Variants in XKR6 observed in about 807,000 individuals in gnomAD.
The protein encoded by XKR6 is XK-related protein 6.
A neutral mutation model predicts 56.7 loss-of-function variants in XKR6; 22 were observed. The observed-to-expected ratio is 0.39, with a 90% CI of 0.28 to 0.55. The LOEUF is 0.55. XKR6 is among the 20% of genes least tolerant of loss of function. The probability of loss-of-function intolerance (pLI) is 0.66; values close to 1 mark genes in which losing one functional copy is unlikely to be tolerated. For missense variants in XKR6, 852 were observed against 889.0 expected (o/e 0.96, Z 0.53); for synonymous variants, 524 against 387.8 (o/e 1.35, Z -4.13).
intron 1 of XKR6, among the ~76,000 whole-genome samples, chr8:11,100,372 T>G (rs905691422): frequency 6.6e-6 from 1 of 152,192 alleles, no homozygotes; most frequent in South Asian, 2.1e-4. Context: ...TAAAAAAGAA[T>G]AGAATTTATG....
intron 1 of XKR6, chr8:11,108,828 T>A (rs1000379706): frequency 6.4e-6 from 1 of 156,978 alleles, no homozygotes; most frequent in Admixed American, 6.5e-5. Context: ...GGCCAGTCCC[T>A]ACACCCACAG....
intron 1 of XKR6, among the ~76,000 whole-genome samples, chr8:11,159,531 G>C (rs1047874756): frequency 3.3e-5 from 5 of 152,296 alleles, no homozygotes; most frequent in African/African-American, 1.2e-4. Flanking sequence ...AGGCAGGCTG[G>C]ACCCATCCCC....
intron 2 of XKR6, among the ~76,000 whole-genome samples, chr8:10,923,438 C>A (rs900733914): frequency 5.3e-5 from 8 of 152,212 alleles, no homozygotes; most frequent in Admixed American, 1.3e-4. Flanking sequence ...GACAGGCGAG[C>A]CTGTCAGCAG....
intron 1 of XKR6, among the ~76,000 whole-genome samples, chr8:10,991,514 G>C (rs1563332375): frequency 3.3e-5 from 5 of 152,178 alleles, no homozygotes; most frequent in Non-Finnish European, 7.3e-5. Flanking sequence ...AACACGATGA[G>C]TCTATCTTTT....
chr8:11,190,579 T>C (rs1161787960), intron 1 of XKR6, among the ~76,000 whole-genome samples: 3 of 152,288 alleles, frequency 2.0e-5, no homozygotes, highest in Admixed American at 2.0e-4. Flanking sequence ...TACAATCAAC[T>C]ACAAGACTTA....
intron 1 of XKR6, among the ~76,000 whole-genome samples, chr8:11,121,889 C>T (rs532128319): frequency 2.6e-4 from 39 of 152,242 alleles, no homozygotes; most frequent in African/African-American, 1.4e-4. Context: ...TTTGTAGGGA[C>T]GTGGATGAAG....
intron 1 of XKR6, among the ~76,000 whole-genome samples, chr8:11,170,780 T>C (rs892333713): frequency 4.6e-5 from 7 of 152,170 alleles, no homozygotes; most frequent in African/African-American, 1.7e-4. Context: ...TGAAGCAAAA[T>C]CTCAGGGGGC....
At chr8:10,921,385 T>G (rs1490794948) in intron 2 of XKR6, among the ~76,000 whole-genome samples, 1 of 152,206 alleles carries the variant, frequency 6.6e-6, no homozygotes, top group Non-Finnish European at 1.5e-5. Flanking sequence ...CCAGCAGGTC[T>G]GGCCCATGGC....
intron 1 of XKR6, among the ~76,000 whole-genome samples, chr8:11,173,275 C>A (rs1396869928): frequency 2.6e-5 from 4 of 151,310 alleles, no homozygotes; most frequent in African/African-American, 9.7e-5. Context: ...ACCCAGGAGG[C>A]AGAGCTTGCA....
rs534988891 is a variant in XKR6 at position 11,151,455 on chromosome 8, T to C, written c.764+49121A>G. Among the ~76,000 whole-genome samples, 27 of 152,328 alleles carry C rather than the reference T, an allele frequency of 1.8e-4. No homozygotes were observed. The South Asian group carries it at 2.3e-3, about 13-fold the overall frequency. The stretch of plus-strand genomic sequence containing the variant: ...ATCATTTGCTGTAATTTTCTATTAT[T>C]TGTTCTGTTGAGAATGGCAAGATTT... On this transcript the variant is annotated intron_variant, in intron 1 of 2. Transcript: ENST00000416569.
intron 1 of XKR6, among the ~76,000 whole-genome samples, chr8:11,184,390 C>T (rs201447647): frequency 2.5e-5 from 1 of 40,400 alleles, no homozygotes; most frequent in African/African-American, 1.9e-4. Context: ...TACACACATA[C>T]ACACACACAC....
At chr8:10,946,033 T>C (rs143733630) in intron 1 of XKR6, among the ~76,000 whole-genome samples, 1 of 152,162 alleles carries the variant, frequency 6.6e-6, no homozygotes, top group East Asian at 1.9e-4. Flanking sequence ...CGCCCTGTGC[T>C]TTTCAGCGTG....
chr8:10,964,173 G>C (rs963310099), intron 1 of XKR6, among the ~76,000 whole-genome samples: 2 of 152,148 alleles, frequency 1.3e-5, no homozygotes, highest in African/African-American at 4.8e-5. Context: ...CCAGGGCAGG[G>C]GCTGCCTGAG....
intron 1 of XKR6, among the ~76,000 whole-genome samples, chr8:11,071,757 C>A (rs1004783677): frequency 6.6e-6 from 1 of 152,118 alleles, no homozygotes; most frequent in South Asian, 2.1e-4. Context: ...CAAATGAATA[C>A]GAGGCCCAAG....
chr8:11,086,901 C>T lies in XKR6; in HGVS notation c.764+113675G>A, dbSNP rs189903259. Among the ~76,000 whole-genome samples the T allele has an allele frequency of 3.4e-4, 52 of 152,322 alleles. No individual in the cohort carries two copies. In the Middle Eastern group the frequency reaches 0.01, roughly 30 times the overall value. On this transcript the variant is annotated intron_variant, in intron 1 of 2. Transcript: ENST00000416569. ...CAGAACAGAGGCGTCGGAGGTCACC[C>T]GGCCAGTCCTGTCCCGCAGGGATCA...
At chr8:11,174,002 T>A (rs1251215822) in intron 1 of XKR6, among the ~76,000 whole-genome samples, 2 of 152,242 alleles carry the variant, frequency 1.3e-5, no homozygotes, top group African/African-American at 4.8e-5. Context: ...ATTCTATGCA[T>A]ATCTGTATTT....
chr8:11,092,185 G>A (rs999448468), intron 1 of XKR6, among the ~76,000 whole-genome samples: 7 of 152,148 alleles, frequency 4.6e-5, no homozygotes, highest in African/African-American at 4.8e-5. Context: ...TCAGGTTTGC[G>A]ATAAGGGACT....
intron 1 of XKR6, among the ~76,000 whole-genome samples, chr8:11,111,403 G>A (rs761899872): frequency 1.3e-5 from 2 of 152,076 alleles, no homozygotes; most frequent in Admixed American, 1.3e-4. Flanking sequence ...AAGTATATTT[G>A]GATATAATTT....
intron 1 of XKR6, among the ~76,000 whole-genome samples, chr8:11,155,555 C>G (rs1054136361): frequency 6.6e-6 from 1 of 152,142 alleles, no homozygotes; most frequent in Non-Finnish European, 1.5e-5. Context: ...ACAAATATAG[C>G]TTTACTCTTC....
Sources: gnomAD v4.1 joint callset for allele counts (sites outside exome capture counted in the v4.1 genomes callset) on GRCh38, gnomAD v4.1.1 for gene constraint, MANE v1.5 for transcripts, NCBI Gene and HGNC (gene_info 2026-07-23, HGNC 2026-07-21) for gene names.